Variants in PBX3 observed in about 807,000 individuals in gnomAD.
PBX3 encodes the protein PBX homeobox 3.
Under a neutral mutation model 48.5 loss-of-function variants are expected in PBX3, and 14 were observed. The ratio of observed to expected loss-of-function variants is 0.29; its 90% confidence interval spans 0.19 to 0.45. The LOEUF is 0.45. Among genes scored for constraint, PBX3 ranks in the 20% least tolerant of loss-of-function variants. The pLI, the probability that PBX3 is intolerant of heterozygous loss-of-function variation, is 1.00. For missense variants in PBX3, 386 were observed against 546.7 expected, an observed-to-expected ratio of 0.71 and a Z score of 2.93; for synonymous variants, 210 against 200.3, an observed-to-expected ratio of 1.05 and a Z score of -0.41.
chr9:125,953,489 A>AG (rs963446795), intron 5 of PBX3, among the ~76,000 whole-genome samples: 3 of 151,318 alleles, frequency 2.0e-5, no homozygotes, highest in Admixed American at 1.3e-4. Flanking sequence ...AAAAAAAAAA[A>AG]GTAGGACTGT....
At chr9:125,934,699 A>AT (rs567101588) in intron 4 of PBX3, among the ~76,000 whole-genome samples, 3,275 of 149,110 alleles carry the variant, frequency 0.022, 55 homozygotes, top group Non-Finnish European at 0.033. Flanking sequence ...TTCCCAATGC[A>AT]TTTTTTTTTT....
chr9:125,771,688 ATATC>A (rs773250487), intron 2 of PBX3, among the ~76,000 whole-genome samples: 63 of 152,282 alleles, frequency 4.1e-4, no homozygotes, highest in Non-Finnish European at 8.2e-4. Context: ...TTGTCTGAAA[ATATC>A]TAGTATAATG....
intron 2 of PBX3, among the ~76,000 whole-genome samples, chr9:125,761,262 T>C (rs1253853365): frequency 6.6e-6 from 1 of 152,052 alleles, no homozygotes; most frequent in Non-Finnish European, 1.5e-5. Flanking sequence ...TATGGTCTAA[T>C]TTACAGCCAA....
At chr9:125,807,094 G>A (rs551353968) in intron 2 of PBX3, among the ~76,000 whole-genome samples, 23 of 152,336 alleles carry the variant, frequency 1.5e-4, no homozygotes, top group African/African-American at 5.1e-4. Flanking sequence ...AGGCTGAGGC[G>A]ATGAGATCAC....
chr9:125,907,460 A>T (rs919547032), intron 2 of PBX3, among the ~76,000 whole-genome samples: 9 of 152,010 alleles, frequency 5.9e-5, no homozygotes, highest in Non-Finnish European at 1.0e-4. Flanking sequence ...TATTTTAATT[A>T]AAAAAAGACT....
At chr9:125,822,331 AT>A (rs1361216579) in intron 2 of PBX3, among the ~76,000 whole-genome samples, 41 of 152,206 alleles carry the variant, frequency 2.7e-4, no homozygotes, top group African/African-American at 9.6e-4. Flanking sequence ...TCTATTGCCC[AT>A]TTGGCATTGG....
intron 3 of PBX3, 37 bp from the exon 4 acceptor site, chr9:125,929,618 T>C: frequency 7.0e-7 from 1 of 1,435,608 alleles, no homozygotes; most frequent in Non-Finnish European, 9.7e-7. Flanking sequence ...TGATAGTAGA[T>C]AGTTTCCAAA....
intron 2 of PBX3, among the ~76,000 whole-genome samples, chr9:125,912,573 A>G (rs1057346927): frequency 2.6e-5 from 4 of 152,164 alleles, no homozygotes; most frequent in African/African-American, 9.7e-5. Context: ...CTGTGTTTGT[A>G]TGATTTGTCT....
intron 2 of PBX3, among the ~76,000 whole-genome samples, chr9:125,824,557 A>G (rs1169647301): frequency 6.6e-6 from 1 of 152,210 alleles, no homozygotes; most frequent in East Asian, 1.9e-4. Context: ...TCTCCAAGGT[A>G]TATTGTAAGT....
chr9:125,768,388 GTT>G (rs1836854939), intron 2 of PBX3, among the ~76,000 whole-genome samples: 1 of 152,046 alleles, frequency 6.6e-6, no homozygotes, highest in Non-Finnish European at 1.5e-5. Flanking sequence ...CCTAAAATAA[GTT>G]TTGTTTATGC....
chr9:125,948,350 G>C (rs369504271), intron 5 of PBX3, among the ~76,000 whole-genome samples: 67 of 152,254 alleles, frequency 4.4e-4, no homozygotes, highest in African/African-American at 1.6e-3. Flanking sequence ...GGGACATAAA[G>C]TACTTCTCAG....
chr9:125,896,765 G>A (rs1840778544), intron 2 of PBX3, among the ~76,000 whole-genome samples: 1 of 151,962 alleles, frequency 6.6e-6, no homozygotes, highest in South Asian at 2.1e-4. Flanking sequence ...CATTGCTGTT[G>A]TGTCAGCAGA....
rs558342657 is a variant in PBX3 at position 125,885,988 on chromosome 9, A to G, written c.275-29698A>G. 2.6e-5 allele frequency among the ~76,000 whole-genome samples: 4 copies of G among 152,262 alleles called. No homozygotes were observed. In the South Asian group the frequency reaches 8.3e-4, roughly 32 times the overall value. On this transcript the variant is annotated intron_variant, in intron 2 of 8. Coordinates refer to ENST00000373489, the MANE Select transcript of PBX3 (RefSeq NM_006195.6). Reference sequence around the variant, plus strand: ...TCTGTATTGAAATGTAACTAAACAGAAAGTCTTTGTTCTTGTTTATAAAAA... The same window carrying G: ...TCTGTATTGAAATGTAACTAAACAGGAAGTCTTTGTTCTTGTTTATAAAAA...
At chr9:125,790,552 C>A (rs1837571607) in intron 2 of PBX3, among the ~76,000 whole-genome samples, 1 of 151,384 alleles carries the variant, frequency 6.6e-6, no homozygotes, top group African/African-American at 2.4e-5. Context: ...CCGTGCCTGG[C>A]CAACTATTTC....
intron 3 of PBX3, among the ~76,000 whole-genome samples, chr9:125,920,704 C>T (rs1195149281): frequency 2.0e-5 from 3 of 152,148 alleles, no homozygotes; most frequent in Admixed American, 6.5e-5. Flanking sequence ...GGGTCCCAAC[C>T]CTTCCCAAGC....
At chr9:125,845,055 A>G (rs1839392693) in intron 2 of PBX3, 1 of 152,112 alleles carries the variant, frequency 6.6e-6, no homozygotes, top group African/African-American at 2.4e-5. Context: ...TATTATGGAA[A>G]CTGAACAAAC....
rs186899246 is a variant in PBX3 at position 125,788,125 on chromosome 9, C to G, written c.274+39502C>G. Among the ~76,000 whole-genome samples, 18 of 152,202 alleles carry G rather than the reference C, an allele frequency of 1.2e-4. 1 individual carries two copies. The East Asian group carries it at 3.3e-3, about 28-fold the overall frequency. ...TAACCAACAGTGGATGCTACCTTGC[C>G]AAGTTAATTTTTCTTAGATAATTAG... On this transcript the variant is annotated intron_variant, in intron 2 of 8. Coordinates refer to ENST00000373489, the MANE Select transcript of PBX3 (RefSeq NM_006195.6).
intron 2 of PBX3, among the ~76,000 whole-genome samples, chr9:125,843,206 G>A (rs180786719): frequency 6.6e-6 from 1 of 152,164 alleles, no homozygotes; most frequent in East Asian, 1.9e-4. Flanking sequence ...TGCCCATTGG[G>A]AATTTCATTT....
In PBX3 at chr9:125,747,413, T is replaced by A; in HGVS notation, c.-41T>A. The A allele has an allele frequency of 8.8e-7, 1 of 1,138,336 alleles. No homozygotes were observed. Among genetic ancestry groups the A allele is most frequent in the Non-Finnish European group, 1.1e-6 (1 of 901,882 alleles). The allele number at this position is 1,138,336 out of a possible 1,614,324, so 70.5% of individuals were successfully genotyped here. A position where few individuals can be genotyped will look rare whatever the true frequency, so the allele number is the denominator to read the frequency against. On this transcript the variant is annotated 5_prime_UTR_variant, in exon 1 of 9. Coordinates refer to ENST00000373489, the MANE Select transcript of PBX3 (RefSeq NM_006195.6). ...CGCCGCCGCCGCCGCCGCCTCAGCC[T>A]TCGCCTCAGCCGCCGCCCGCTCCCG... is the stretch of plus-strand genomic sequence containing the variant.
Sources: gnomAD v4.1 joint callset for allele counts (sites outside exome capture counted in the v4.1 genomes callset) on GRCh38, gnomAD v4.1.1 for gene constraint, MANE v1.5 for transcripts, NCBI Gene and HGNC (gene_info 2026-07-23, HGNC 2026-07-21) for gene names.